Variants in DPP4 observed in about 807,000 individuals in gnomAD.
The protein encoded by DPP4 is dipeptidyl peptidase 4, also known as ADCP-2.
DPP4 carries 93 observed loss-of-function variants against 122.4 expected under a neutral mutation model. The observed-to-expected ratio is 0.76, with a 90% confidence interval of 0.64 to 0.90. DPP4 has a LOEUF of 0.90. DPP4 is among the 40% of genes least tolerant of loss of function. The probability of loss-of-function intolerance (pLI) is 0.00; values close to 1 mark genes in which losing one functional copy is unlikely to be tolerated. For missense variants in DPP4, 914 were observed against 907.3 expected, an observed-to-expected ratio of 1.01 and a Z score of -0.09; for synonymous variants, 321 against 302.9, an observed-to-expected ratio of 1.06 and a Z score of -0.62.
chr2:162,024,641 C>T (rs1683252623), intron 11 of DPP4, among the ~76,000 whole-genome samples, 163 bp downstream of exon 11: 1 of 152,158 alleles, frequency 6.6e-6, no homozygotes, highest in South Asian at 2.1e-4. Context: ...GGCAGGTTAT[C>T]TAGGAGTTTT....
intron 19 of DPP4, 91 bp from the exon 20 acceptor site, chr2:162,012,078 T>A: frequency 1.5e-6 from 2 of 1,292,292 alleles, no homozygotes; most frequent in Non-Finnish European, 2.1e-6. Context: ...GAAGTATGCA[T>A]CCTTCCCAAT....
intron 5 of DPP4, among the ~76,000 whole-genome samples, chr2:162,043,832 A>G (rs746070771): frequency 6.6e-6 from 1 of 152,174 alleles, no homozygotes; most frequent in Non-Finnish European, 1.5e-5. Context: ...GTTTGAGACC[A>G]GCCTGGGGAA....
At chr2:162,057,720 T>A (rs1684623618) in intron 2 of DPP4, among the ~76,000 whole-genome samples, 1 of 152,202 alleles carries the variant, frequency 6.6e-6, no homozygotes, top group Non-Finnish European at 1.5e-5. Context: ...TCTCTTTTGC[T>A]CTTTTATCTG....
At chr2:162,021,403 A>C (rs1430062492) in intron 12 of DPP4, 3 of 152,212 alleles carry the variant, frequency 2.0e-5, no homozygotes, top group Non-Finnish European at 4.4e-5. Flanking sequence ...AGTAGAAGAG[A>C]GTCTATCCCA....
At chr2:162,054,996 C>T (rs1684517056) in intron 2 of DPP4, among the ~76,000 whole-genome samples, 1 of 152,020 alleles carries the variant, frequency 6.6e-6, no homozygotes, top group African/African-American at 2.4e-5. Context: ...TGTTAGGCAA[C>T]CAGAATACAA....
chr2:162,064,194 A>G (rs1313036452), intron 2 of DPP4, among the ~76,000 whole-genome samples: 7 of 152,164 alleles, frequency 4.6e-5, no homozygotes, highest in Non-Finnish European at 8.8e-5. Context: ...AGATACCTGG[A>G]ATAGTTCACC....
chr2:162,047,503 TG>T lies in DPP4; in HGVS notation c.95-3del. 6.4e-7 allele frequency: 1 copy of T among 1,555,412 alleles called. No homozygotes were observed. The highest frequency in any genetic ancestry group is 1.3e-5 in the African/African-American group (1 of 74,414). ...GACTGTCAGCTGTAGCATCATCTGC[TG>T]GTTGAAAGAAAGAGCCAAATGTTCA... On this transcript the variant is annotated splice_polypyrimidine_tract_variant and splice_region_variant and intron_variant, in intron 2 of 25. Transcript: ENST00000360534.
Position 162,009,298 on chromosome 2 carries a change from A to T in DPP4, c.1833-3T>A. ...CAAATCCCATTTTTGAAAATTGTCT[A>T]AAACACAAGGAAAAAGTCCACAGAT... On this transcript the variant is annotated splice_polypyrimidine_tract_variant and splice_region_variant and intron_variant, in intron 20 of 25. Transcript: ENST00000360534. 6.2e-7 allele frequency: 1 copy of T among 1,613,660 alleles called. No homozygotes were observed. Among genetic ancestry groups the T allele is most frequent in the Non-Finnish European group, 8.5e-7 (1 of 1,179,670 alleles).
Position 162,073,447 on chromosome 2 carries a change from C to A in DPP4, c.46G>T (p.Ala16Ser), listed in dbSNP as rs1685191059. 6.2e-7 allele frequency: 1 copy of A among 1,614,118 alleles called. No homozygotes were observed. The highest frequency in any genetic ancestry group is 8.5e-7 in the Non-Finnish European group (1 of 1,180,040). The change falls in exon 2 of 26, where the codon GCG (alanine) becomes TCG (serine). Residue 16 changes from alanine to serine, a missense_variant. Transcript: ENST00000360534. ...GGCACGGTGATGATGGTGACAAGCG[C>A]AGCAGCACCCAGCAGTCCCAGAAGA... ...KVLLGLLGAAALVTIITVPVV... is the reference protein window; with the variant it reads ...KVLLGLLGAASLVTIITVPVV...
At chr2:162,064,499 T>G (rs914540948) in intron 2 of DPP4, among the ~76,000 whole-genome samples, 3 of 152,220 alleles carry the variant, frequency 2.0e-5, no homozygotes, top group African/African-American at 7.2e-5. Flanking sequence ...CCATTAATTA[T>G]TTTAAGTCCT....
intron 1 of DPP4, 147 bp downstream of exon 1, chr2:162,073,829 C>A (rs963040801): frequency 2.3e-5 from 25 of 1,085,074 alleles, no homozygotes; most frequent in Admixed American, 2.8e-5. Context: ...AGCTCTGGGA[C>A]GTCCCTTCAC....
In DPP4 at chr2:161,993,236, CA is replaced by C. The variant is rs771991395; in HGVS notation, c.*46del. The C allele has an allele frequency of 2.6e-4, 377 of 1,455,802 alleles. No homozygotes were observed. Among genetic ancestry groups the C allele is most frequent in the South Asian group, 8.9e-4 (78 of 87,322 alleles). 90.2% of individuals were successfully genotyped at this position (1,455,802 alleles called of 1,614,324 possible). On this transcript the variant is annotated 3_prime_UTR_variant, in exon 26 of 26. Transcript: ENST00000360534. ...CAGTGCAGTTTTGAGATAATGAAAACAAAAATGAGTTTTAATAAGCTTTAAA... is the reference window on the plus strand; with the variant it reads ...CAGTGCAGTTTTGAGATAATGAAAACAAAATGAGTTTTAATAAGCTTTAAA...
rs1005622869 is a variant in DPP4, at chr2:162,038,193, A to G, written c.613+109T>C. 4.3e-5 allele frequency: 47 copies of G among 1,090,394 alleles called. No homozygotes were observed. In the African/African-American group the frequency reaches 6.2e-4, roughly 14 times the overall value. 67.5% of individuals were successfully genotyped at this position (1,090,394 alleles called of 1,614,324 possible). ...AGAGAAATCTGATGACATTTTAAAC[A>G]ATGAAACTTTTTTTCAATCTCATTT... On this transcript the variant is annotated intron_variant, in intron 8 of 25. Coordinates refer to ENST00000360534, the MANE Select transcript of DPP4 (RefSeq NM_001935.4).
At chr2:162,035,062 T>A in intron 9 of DPP4, 102 bp downstream of exon 9, 1 of 1,218,046 alleles carries the variant, frequency 8.2e-7, no homozygotes, top group Non-Finnish European at 1.1e-6. Flanking sequence ...CAGCAAGCTG[T>A]TGAAGAGAGA....
At chr2:162,013,509 C>G (rs955378933) in intron 19 of DPP4, among the ~76,000 whole-genome samples, 1 of 152,148 alleles carries the variant, frequency 6.6e-6, no homozygotes, top group African/African-American at 2.4e-5. Flanking sequence ...TATCTGGGTC[C>G]TGCCTTCCTC....
chr2:162,012,154 A>G (rs1682726220), intron 19 of DPP4, among the ~76,000 whole-genome samples, 167 bp from the exon 20 acceptor site: 1 of 152,084 alleles, frequency 6.6e-6, no homozygotes, highest in African/African-American at 2.4e-5. Context: ...TTAGCAACAC[A>G]ACTACCATGG....
At chr2:161,994,090 G>A (rs979777945) in intron 25 of DPP4, among the ~76,000 whole-genome samples, 2 of 152,034 alleles carry the variant, frequency 1.3e-5, no homozygotes, top group East Asian at 1.9e-4. Flanking sequence ...AGTCATTACC[G>A]GGCAAACATA....
chr2:162,038,449 T>C (rs1490842028), intron 7 of DPP4, 27 bp from the exon 8 acceptor site: 3 of 1,586,484 alleles, frequency 1.9e-6, no homozygotes, highest in African/African-American at 2.7e-5. Flanking sequence ...CAAGCATTGA[T>C]ATCTATAATA....
chr2:162,030,753 G>C (rs545687743), intron 10 of DPP4, among the ~76,000 whole-genome samples: 1 of 152,042 alleles, frequency 6.6e-6, no homozygotes, highest in South Asian at 2.1e-4. Context: ...CCTTACCAGC[G>C]TTAACAGAGA....
Sources: gnomAD v4.1 joint callset for allele counts (sites outside exome capture counted in the v4.1 genomes callset) on GRCh38, gnomAD v4.1.1 for gene constraint, MANE v1.5 for transcripts, NCBI Gene and HGNC (gene_info 2026-07-23, HGNC 2026-07-21) for gene names.